Variants in MYH11 observed in about 807,000 individuals in gnomAD.
MYH11 encodes the protein myosin heavy chain 11, also known as myosin-11.
Under a neutral mutation model 246.6 loss-of-function variants are expected in MYH11, and 80 were observed. The observed-to-expected ratio is 0.32, with a 90% CI of 0.27 to 0.39. The LOEUF is 0.39. MYH11 is among the 10% of genes least tolerant of loss of function. The pLI, the probability that MYH11 is intolerant of heterozygous loss-of-function variation, is 1.00. For missense variants in MYH11, 2,158 were observed against 2,546.8 expected, an observed-to-expected ratio of 0.85 and a Z score of 3.29; for synonymous variants, 1,071 against 1,015.5, an observed-to-expected ratio of 1.05 and a Z score of -1.04.
chr16:15,799,725 T>TG (rs2042836771), intron 3 of MYH11, among the ~76,000 whole-genome samples: 1 of 152,246 alleles, frequency 6.6e-6, no homozygotes, highest in Non-Finnish European at 1.5e-5. Context: ...GCATCATATC[T>TG]GCTGGTAGAC....
chr16:15,841,097 G>A (rs1463934237), intron 1 of MYH11, among the ~76,000 whole-genome samples: 1 of 152,074 alleles, frequency 6.6e-6, no homozygotes, highest in Non-Finnish European at 1.5e-5. Flanking sequence ...CCCCAAAAAG[G>A]GTGGAAAGAC....
chr16:15,798,631 A>G, intron 4 of MYH11, 29 bp downstream of exon 4: 1 of 1,576,170 alleles, frequency 6.3e-7, no homozygotes, highest in Non-Finnish European at 8.6e-7. Context: ...AAACAAAAAA[A>G]AAACAGAAGA....
intron 3 of MYH11, among the ~76,000 whole-genome samples, chr16:15,799,681 CG>C (rs1353264320): frequency 2.0e-5 from 3 of 152,212 alleles, no homozygotes; most frequent in African/African-American, 7.2e-5. Context: ...GTTACCAATA[CG>C]TTCAATGGTC....
chr16:15,799,308 C>A (rs1296177717), intron 3 of MYH11, among the ~76,000 whole-genome samples: 2 of 152,158 alleles, frequency 1.3e-5, no homozygotes, highest in African/African-American at 2.4e-5. Context: ...ACTCTCTGGC[C>A]TAAAACTCCA....
chr16:15,773,288 C>CT (rs1390551515), intron 8 of MYH11, among the ~76,000 whole-genome samples: 4 of 76,038 alleles, frequency 5.3e-5, no homozygotes, highest in African/African-American at 1.9e-4. Flanking sequence ...TTTCCTCCAG[C>CT]TATTTTTTTT....
intron 2 of MYH11, among the ~76,000 whole-genome samples, 159 bp downstream of exon 2, chr16:15,837,749 G>C (rs2043936576): frequency 6.6e-6 from 1 of 151,926 alleles, no homozygotes; most frequent in African/African-American, 2.4e-5. Flanking sequence ...TGGCCAGCGT[G>C]GTCTCGAACT....
rs556761684 is a variant in MYH11 at position 15,835,918 on chromosome 16, C to A, written c.345+1990G>T. Among the ~76,000 whole-genome samples the A allele has an allele frequency of 9.9e-5, 15 of 151,692 alleles. No homozygotes were observed. The South Asian group carries it at 2.9e-3, about 30-fold the overall frequency. ...TATGAGTACGCACCACTGCACCTGGCTAATTTATTTTTGCAGAGATGGGGT... is the reference window on the plus strand; with the variant it reads ...TATGAGTACGCACCACTGCACCTGGATAATTTATTTTTGCAGAGATGGGGT... On this transcript the variant is annotated intron_variant, in intron 2 of 40. Coordinates refer to ENST00000300036, the MANE Select transcript of MYH11 (RefSeq NM_002474.3).
chr16:15,826,978 C>A (rs2043585758), intron 2 of MYH11, among the ~76,000 whole-genome samples: 2 of 104,394 alleles, frequency 1.9e-5, no homozygotes, highest in African/African-American at 3.9e-5. Flanking sequence ...GCCTGGGTGA[C>A]AGAGGGAGAA....
intron 1 of MYH11, among the ~76,000 whole-genome samples, chr16:15,853,987 C>T (rs1474227090): frequency 6.6e-6 from 1 of 152,086 alleles, no homozygotes; most frequent in African/African-American, 2.4e-5. Context: ...GCCAAGATCG[C>T]ACCACTGCAC....
intron 1 of MYH11, among the ~76,000 whole-genome samples, chr16:15,856,482 C>T (rs1427876861): frequency 6.6e-6 from 1 of 152,108 alleles, no homozygotes; most frequent in East Asian, 1.9e-4. Context: ...AGTGACTTTT[C>T]AGTGAAGTTC....
intron 28 of MYH11, chr16:15,726,646 G>T: frequency 3.0e-6 from 2 of 660,448 alleles, no homozygotes; most frequent in Admixed American, 4.7e-5. Flanking sequence ...GGGATTACAG[G>T]CATGAGCCAC....
At chr16:15,827,111 A>C (rs928986529) in intron 2 of MYH11, among the ~76,000 whole-genome samples, 1 of 152,130 alleles carries the variant, frequency 6.6e-6, no homozygotes, top group African/African-American at 2.4e-5. Context: ...ATAGCCATCA[A>C]CCATTTACTG....
chr16:15,723,143 T>C (rs2151215510), intron 31 of MYH11, among the ~76,000 whole-genome samples: 1 of 152,296 alleles, frequency 6.6e-6, no homozygotes, highest in South Asian at 2.1e-4. Flanking sequence ...GGGGTTTGGG[T>C]CATACAGGGG....
intron 27 of MYH11, among the ~76,000 whole-genome samples, chr16:15,728,855 C>A (rs912466364): frequency 2.0e-5 from 3 of 151,828 alleles, no homozygotes; most frequent in Non-Finnish European, 4.4e-5. Context: ...AGCCGAGATC[C>A]CGCCAGTGCA....
chr16:15,761,818 A>T (rs2041873996), intron 10 of MYH11, among the ~76,000 whole-genome samples: 1 of 152,182 alleles, frequency 6.6e-6, no homozygotes, highest in Non-Finnish European at 1.5e-5. Flanking sequence ...TCTAATACAT[A>T]ACAAACACCT....
At chr16:15,784,805 T>A in intron 5 of MYH11, 1 of 1,512,746 alleles carries the variant, frequency 6.6e-7, no homozygotes, top group East Asian at 2.3e-5. Context: ...ATGACTTTGA[T>A]CCCCCCAAAC....
chr16:15,759,518 G>C, intron 12 of MYH11, 58 bp downstream of exon 12: 1 of 1,612,342 alleles, frequency 6.2e-7, no homozygotes, highest in Non-Finnish European at 8.5e-7. Flanking sequence ...ACTCCTCCAA[G>C]AAAAAGCCCA....
chr16:15,821,962 C>G (rs1312349234), intron 3 of MYH11, among the ~76,000 whole-genome samples: 1 of 152,132 alleles, frequency 6.6e-6, no homozygotes, highest in Non-Finnish European at 1.5e-5. Flanking sequence ...CTCCAGGAGC[C>G]ATCACTTTAC....
In MYH11 at chr16:15,750,062, G is replaced by A. The variant is rs764004860; in HGVS notation, c.2058+76C>T. 22 of 1,576,692 alleles carry A rather than the reference G, an allele frequency of 1.4e-5. No homozygotes were observed. The highest frequency in any genetic ancestry group is 1.8e-5 in the Non-Finnish European group (21 of 1,151,846). ...TCCTCGGGGTAGGTGGGGGCAGAGG[G>A]CGCCCTGGGGACGCTGTGACCGCTT... On this transcript the variant is annotated intron_variant, in intron 16 of 40. Transcript: ENST00000300036. This position sits in a 1 kb window ranked among gnomAD's most constrained non-coding sequence, Gnocchi z 4.3.
Sources: allele counts gnomAD v4.1 joint callset (sites outside exome capture counted in the v4.1 genomes callset), GRCh38; gene constraint gnomAD v4.1.1; non-coding constraint Gnocchi (gnomAD v3.1); transcripts MANE v1.5; gene names NCBI Gene and HGNC (gene_info 2026-07-23, HGNC 2026-07-21).